Variants in CMC1 observed in about 807,000 individuals in gnomAD.
CMC1 encodes COX assembly mitochondrial protein homolog.
A neutral mutation model predicts 14.1 loss-of-function variants in CMC1; 14 were observed. That is an observed-to-expected ratio of 0.99 (90% CI 0.66 to 1.55). CMC1 has a LOEUF of 1.55. Ranked by LOEUF, CMC1 falls within the 40% of genes most tolerant of loss-of-function variation. The pLI, the probability that CMC1 is intolerant of heterozygous loss-of-function variation, is 0.00. For synonymous variants in CMC1, 50 were observed against 38.4 expected (o/e 1.30, Z -1.12); for missense variants, 127 against 123.8 (o/e 1.03, Z -0.12).
intron 1 of CMC1, among the ~76,000 whole-genome samples, chr3:28,259,084 G>A (rs1051121125): frequency 6.6e-6 from 1 of 151,242 alleles, no homozygotes; most frequent in African/African-American, 2.4e-5. Context: ...TGTTGTTTTG[G>A]CTATTCTATG....
chr3:28,243,734 A>C (rs1470645769), intron 1 of CMC1, among the ~76,000 whole-genome samples: 1 of 152,248 alleles, frequency 6.6e-6, no homozygotes, highest in Non-Finnish European at 1.5e-5. Flanking sequence ...ACAGTAGTAC[A>C]TAGGACAAAC....
At chr3:28,310,917 G>C (rs1363295754) in intron 2 of CMC1, among the ~76,000 whole-genome samples, 1 of 151,878 alleles carries the variant, frequency 6.6e-6, no homozygotes, top group Non-Finnish European at 1.5e-5. Flanking sequence ...AAGAGGGTTT[G>C]TGCTCCTATG....
chr3:28,262,618 C>T (rs900818869), intron 1 of CMC1, among the ~76,000 whole-genome samples: 1 of 152,170 alleles, frequency 6.6e-6, no homozygotes, highest in Non-Finnish European at 1.5e-5. Flanking sequence ...CTCATTTAAT[C>T]TGATCTAATC....
At chr3:28,250,030 C>G (rs965951222) in intron 1 of CMC1, among the ~76,000 whole-genome samples, 4 of 152,076 alleles carry the variant, frequency 2.6e-5, no homozygotes, top group African/African-American at 9.7e-5. Flanking sequence ...GCCACTAATC[C>G]TATCGAATTA....
chr3:28,313,348 C>A (rs1318011976), intron 2 of CMC1, among the ~76,000 whole-genome samples: 1 of 152,006 alleles, frequency 6.6e-6, no homozygotes, highest in Non-Finnish European at 1.5e-5. Flanking sequence ...TATTGATATT[C>A]TTTTGTATTA....
chr3:28,288,652 C>A (rs1701320425), intron 2 of CMC1, among the ~76,000 whole-genome samples: 2 of 151,968 alleles, frequency 1.3e-5, no homozygotes, highest in South Asian at 2.1e-4. Flanking sequence ...ACATTTAAAT[C>A]ATAGTTGAGA....
chr3:28,290,226 A>G (rs1036358165), intron 2 of CMC1, among the ~76,000 whole-genome samples: 7 of 141,994 alleles, frequency 4.9e-5, no homozygotes, highest in African/African-American at 1.7e-4. Context: ...TGCTCATCAC[A>G]TTTTGTCTTT....
intron 3 of CMC1, chr3:28,319,198 A>T: frequency 2.2e-6 from 1 of 463,748 alleles, no homozygotes; most frequent in Non-Finnish European, 4.3e-6. Context: ...GCACTGGGCC[A>T]TACCTCTGTC....
intron 2 of CMC1, among the ~76,000 whole-genome samples, chr3:28,311,194 T>C (rs1036834358): frequency 6.6e-6 from 1 of 152,026 alleles, no homozygotes; most frequent in African/African-American, 2.4e-5. Context: ...GATGGGTGGC[T>C]AGAATGTTTG....
chr3:28,273,075 T>C (rs1197028428), intron 2 of CMC1, among the ~76,000 whole-genome samples: 1 of 152,194 alleles, frequency 6.6e-6, no homozygotes, highest in African/African-American at 2.4e-5. Context: ...TTCAGTTGTT[T>C]GGAATAGTTT....
intron 2 of CMC1, among the ~76,000 whole-genome samples, chr3:28,279,449 CAAG>C (rs776009790): frequency 3.9e-5 from 6 of 152,042 alleles, no homozygotes; most frequent in Non-Finnish European, 8.8e-5. Context: ...TACACAGAAA[CAAG>C]AAGACATGAA....
intron 1 of CMC1, among the ~76,000 whole-genome samples, chr3:28,260,611 T>TA (rs1186051048): frequency 6.6e-6 from 1 of 151,882 alleles, no homozygotes; most frequent in African/African-American, 2.4e-5. Context: ...TATATTTTGA[T>TA]ATTTATCTTT....
intron 2 of CMC1, among the ~76,000 whole-genome samples, chr3:28,265,082 A>C (rs1474462491): frequency 6.6e-6 from 1 of 152,270 alleles, no homozygotes; most frequent in South Asian, 2.1e-4. Flanking sequence ...TCAAAAGTTA[A>C]GTTGTTTAGG....
intron 1 of CMC1, among the ~76,000 whole-genome samples, chr3:28,246,504 C>A (rs1285930223): frequency 6.6e-6 from 1 of 152,114 alleles, no homozygotes; most frequent in Non-Finnish European, 1.5e-5. Context: ...AACGGAGTGA[C>A]AAACAGAACT....
chr3:28,302,460 ATCT>A (rs1407858831), intron 2 of CMC1, among the ~76,000 whole-genome samples: 1 of 152,136 alleles, frequency 6.6e-6, no homozygotes, highest in African/African-American at 2.4e-5. Context: ...GACTTAGGGA[ATCT>A]TCTATGTGAT....
chr3:28,273,420 T>C (rs948128735), intron 2 of CMC1, among the ~76,000 whole-genome samples: 4 of 152,236 alleles, frequency 2.6e-5, no homozygotes, highest in African/African-American at 9.6e-5. Flanking sequence ...TTAAGTGGTT[T>C]TCTTAATCTT....
At chr3:28,277,920 T>A (rs993192284) in intron 2 of CMC1, among the ~76,000 whole-genome samples, 2 of 151,950 alleles carry the variant, frequency 1.3e-5, no homozygotes, top group African/African-American at 4.8e-5. Flanking sequence ...AGGAGAAAAA[T>A]GGAAAGATGA....
chr3:28,258,347 T>C (rs528765563), intron 1 of CMC1, among the ~76,000 whole-genome samples: 2 of 151,814 alleles, frequency 1.3e-5, no homozygotes, highest in Non-Finnish European at 1.5e-5. Flanking sequence ...TTTACTGCCT[T>C]ATGCCCTTTT....
chr3:28,257,750 C>T (rs922874464), intron 1 of CMC1, among the ~76,000 whole-genome samples: 3 of 152,058 alleles, frequency 2.0e-5, no homozygotes, highest in Non-Finnish European at 4.4e-5. Flanking sequence ...ATCTCTTGAC[C>T]TCGTGATCTG....
Sources: gnomAD v4.1 joint callset for allele counts (sites outside exome capture counted in the v4.1 genomes callset) on GRCh38, gnomAD v4.1.1 for gene constraint, MANE v1.5 for transcripts, NCBI Gene and HGNC (gene_info 2026-07-23, HGNC 2026-07-21) for gene names.